Variants in CDC42EP1 observed in about 807,000 individuals in gnomAD.
CDC42EP1 encodes the protein 55 kDa bone marrow stromal/endothelial cell protein.
A neutral mutation model predicts 7.4 loss-of-function variants in CDC42EP1; 6 were observed. The observed-to-expected ratio is 0.81, with a 90% CI of 0.44 to 1.60. The LOEUF is 1.60. Ranked by LOEUF, CDC42EP1 falls within the 40% of genes most tolerant of loss-of-function variation. CDC42EP1 has a pLI of 0.01. For missense variants in CDC42EP1, 567 were observed against 539.0 expected (o/e 1.05, Z -0.51); for synonymous variants, 238 against 227.1 (o/e 1.05, Z -0.43).
At position 37,560,516 on chromosome 22, in the gene CDC42EP1, G is replaced by C. The variant is rs1048162230; in HGVS notation, c.-351G>C. ...CAGCGACTCTCCCGGGCTGCCAGCCGGGACGCGCGGCCGCCGCCGCTGCAG... is the reference window on the plus strand; with the variant it reads ...CAGCGACTCTCCCGGGCTGCCAGCCCGGACGCGCGGCCGCCGCCGCTGCAG... On this transcript the variant is annotated 5_prime_UTR_variant, in exon 1 of 3. Transcript: ENST00000249014. 1 of 149,658 alleles carries C rather than the reference G, an allele frequency of 6.7e-6. No individual in the cohort carries two copies. Among genetic ancestry groups the C allele is most frequent in the Non-Finnish European group, 1.5e-5 (1 of 67,060 alleles). The allele number at this position is 149,658 out of a possible 1,614,324, so 9.3% of individuals were successfully genotyped here.
At position 37,566,084 on chromosome 22, in the gene CDC42EP1, G is replaced by A. The variant is rs1358336701; in HGVS notation, c.-266G>A. The A allele has an allele frequency of 1.3e-5, 5 of 372,374 alleles. No individual in the cohort carries two copies. In the Admixed American group the frequency reaches 1.8e-4, roughly 14 times the overall value. 23.1% of individuals were successfully genotyped at this position (372,374 alleles called of 1,614,324 possible). A position where few individuals can be genotyped will look rare whatever the true frequency, so the allele number is the denominator to read the frequency against. On this transcript the variant is annotated 5_prime_UTR_variant, in exon 2 of 3. Coordinates refer to ENST00000249014, the MANE Select transcript of CDC42EP1 (RefSeq NM_152243.3). The surrounding 1 kb of genome is among the most constrained non-coding windows in gnomAD (Gnocchi z 6.4). ...GTCTTCCTTCCAGGTCTCCACCTCT[G>A]GGCAGGAGAGTTGCCGACCACCTCG...
intron 1 of CDC42EP1, among the ~76,000 whole-genome samples, chr22:37,562,638 C>A (rs1925085890): frequency 6.6e-6 from 1 of 152,126 alleles, no homozygotes; most frequent in Non-Finnish European, 1.5e-5. Context: ...CAGAGTCTCT[C>A]GACCGCAGTA....
intron 2 of CDC42EP1, among the ~76,000 whole-genome samples, chr22:37,567,703 A>G (rs1007304395): frequency 6.6e-6 from 1 of 152,148 alleles, no homozygotes; most frequent in Non-Finnish European, 1.5e-5. Context: ...CTCACGTGCT[A>G]TGGGTTCACC....
At chr22:37,568,017 C>A (rs1925306564) in intron 2 of CDC42EP1, 91 bp from the exon 3 acceptor site, 1 of 1,108,734 alleles carries the variant, frequency 9.0e-7, no homozygotes, top group Non-Finnish European at 1.3e-6. Flanking sequence ...TAGCCAGAGG[C>A]CACACAGCAA....
At chr22:37,563,840 C>G (rs1379219304) in intron 1 of CDC42EP1, 1 of 152,254 alleles carries the variant, frequency 6.6e-6, no homozygotes, top group Non-Finnish European at 1.5e-5. Context: ...TGCCCTCCCA[C>G]TCTCAGAAGG....
At position 37,566,729 on chromosome 22, in the gene CDC42EP1, A is replaced by G; in HGVS notation, c.380A>G (p.Gln127Arg). 2 of 1,612,126 alleles carry G rather than the reference A, an allele frequency of 1.2e-6. No homozygotes were observed. Among genetic ancestry groups the G allele is most frequent in the Middle Eastern group, 1.7e-4 (1 of 6,048 alleles). Residue 127 changes from glutamine (Q) to arginine (R), a missense_variant, in exon 2 of 3, where the codon CAG becomes CGG. Physicochemically the swap from Gln to Arg is conservative, Grantham distance 43. Transcript: ENST00000249014. The surrounding 1 kb of genome is among the most constrained non-coding windows in gnomAD (Gnocchi z 6.4). The part of the protein sequence containing the change: ...KNAISLPQLN[Q>R]AAYDSLVVGK... ...GCCATCTCCCTGCCCCAGCTCAACC[A>G]GGCCGCCTACGACAGCCTCGTGGTT...
chr22:37,568,362 G>A lies in CDC42EP1; in HGVS notation c.718G>A (p.Gly240Ser), dbSNP rs770089711. Residue 240 changes from glycine to serine, a missense_variant, in exon 3 of 3, where the codon GGT (glycine) becomes AGT (serine). Gly to Ser is a moderately conservative substitution (Grantham distance 56). Coordinates refer to ENST00000249014, the MANE Select transcript of CDC42EP1 (RefSeq NM_152243.3). ...NPPAPTANPT[G>S]PAANPPATTA... is the part of the protein sequence containing the mutation. Reference sequence around the variant, plus strand: ...CCCAGCCCCTACTGCAAACCCCACGGGTCCTGCTGCAAACCCCCCAGCCAC... The same window carrying A: ...CCCAGCCCCTACTGCAAACCCCACGAGTCCTGCTGCAAACCCCCCAGCCAC... The A allele has an allele frequency of 1.4e-5, 21 of 1,543,506 alleles. No homozygotes were observed. The highest frequency in any genetic ancestry group is 1.8e-5 in the Non-Finnish European group (20 of 1,135,346).
rs1601837457 is a variant in CDC42EP1 at position 37,566,063 on chromosome 22, T to A, written c.-278-9T>A. 5.9e-6 allele frequency: 2 copies of A among 337,656 alleles called. No homozygotes were observed. Among genetic ancestry groups the A allele is most frequent in the East Asian group, 9.1e-5 (2 of 21,910 alleles). 20.9% of individuals were successfully genotyped at this position (337,656 alleles called of 1,614,324 possible). Reference sequence around the variant, plus strand: ...CCTGCCGTCACCGCCCATTCTGTCTTCCTTCCAGGTCTCCACCTCTGGGCA... The same window carrying A: ...CCTGCCGTCACCGCCCATTCTGTCTACCTTCCAGGTCTCCACCTCTGGGCA... On this transcript the variant is annotated splice_polypyrimidine_tract_variant and intron_variant, in intron 1 of 2. Coordinates refer to ENST00000249014, the MANE Select transcript of CDC42EP1 (RefSeq NM_152243.3). This position sits in a 1 kb window ranked among gnomAD's most constrained non-coding sequence, Gnocchi z 6.4.
In CDC42EP1 at chr22:37,566,418, G is replaced by C; in HGVS notation, c.69G>C (p.Trp23Cys). The change falls in exon 2 of 3, where the codon TGG (tryptophan) becomes TGC (cysteine). Residue 23 changes from tryptophan (W) to cysteine (C), a missense_variant. Transcript: ENST00000249014. The surrounding 1 kb of genome is among the most constrained non-coding windows in gnomAD (Gnocchi z 6.4). Reference sequence around the variant, plus strand: ...TGGGCAAGCTCTCGCCTGTGGGCTGGGTGTCCAGTTCACAGGGAAAGAGGC... The same window carrying C: ...TGGGCAAGCTCTCGCCTGTGGGCTGCGTGTCCAGTTCACAGGGAAAGAGGC... The part of the protein sequence containing the change: ...MSLGKLSPVG[W>C]VSSSQGKRRL... The C allele has an allele frequency of 6.2e-7, 1 of 1,605,986 alleles. No individual in the cohort carries two copies.
Position 37,566,912 on chromosome 22 carries a change from C to T in CDC42EP1, c.463+100C>T. On this transcript the variant is annotated intron_variant, in intron 2 of 2. Transcript: ENST00000249014. This position sits in a 1 kb window ranked among gnomAD's most constrained non-coding sequence, Gnocchi z 6.4. The stretch of plus-strand genomic sequence containing the variant: ...AAGCTCCAAGTGAGCTCCAAGTGAC[C>T]ACAGAGGTCAGGCCCAGACCCCACA... 2.3e-6 allele frequency: 2 copies of T among 877,508 alleles called. No homozygotes were observed. Among genetic ancestry groups the T allele is most frequent in the South Asian group, 3.6e-5 (2 of 55,572 alleles). 54.4% of individuals were successfully genotyped at this position (877,508 alleles called of 1,614,324 possible). A position where few individuals can be genotyped will look rare whatever the true frequency, so the allele number is the denominator to read the frequency against.
rs372439509 is a variant in CDC42EP1 at position 37,568,250 on chromosome 22, T to C, written c.606T>C (p.Leu202=). The part of the protein sequence containing the change: ...SLLSFRLDLD[L]GPSLLSELLG... ...TGTCCTTCCGCCTGGACCTCGACCT[T>C]GGGCCCTCACTCCTCAGCGAGCTGC... The change falls in exon 3 of 3, where the codon CTT becomes CTC. Residue 202 remains leucine (L), a synonymous_variant. Coordinates refer to ENST00000249014, the MANE Select transcript of CDC42EP1 (RefSeq NM_152243.3). The C allele has an allele frequency of 1.9e-6, 3 of 1,613,560 alleles. No homozygotes were observed. Among genetic ancestry groups the C allele is most frequent in the South Asian group, 2.2e-5 (2 of 91,082 alleles).
At position 37,566,526 on chromosome 22, in the gene CDC42EP1, G is replaced by A. The variant is rs1266500568; in HGVS notation, c.177G>A (p.Gly59=). 6.2e-7 allele frequency: 1 copy of A among 1,611,552 alleles called. No homozygotes were observed. The highest frequency in any genetic ancestry group is 8.5e-7 in the Non-Finnish European group (1 of 1,178,358). ...TGGGCCGTGGCGGGGATGTCTTCGG[G>A]GACACGTCCTTCCTCAGCAACCACG... ...MHVGRGGDVF[G]DTSFLSNHGG... Residue 59 remains glycine, a synonymous_variant, in exon 2 of 3, where the codon GGG becomes GGA. Transcript: ENST00000249014. The surrounding 1 kb of genome is among the most constrained non-coding windows in gnomAD (Gnocchi z 6.4).
Position 37,566,903 on chromosome 22 carries a change from C to A in CDC42EP1, c.463+91C>A. 1 of 969,048 alleles carries A rather than the reference C, an allele frequency of 1.0e-6. No individual in the cohort carries two copies. Among genetic ancestry groups the A allele is most frequent in the Non-Finnish European group, 1.5e-6 (1 of 660,324 alleles). The allele number at this position is 969,048 out of a possible 1,614,324, so 60.0% of individuals were successfully genotyped here. A position where few individuals can be genotyped will look rare whatever the true frequency, so the allele number is the denominator to read the frequency against. ...GGCTCCTCCAAGCTCCAAGTGAGCT[C>A]CAAGTGACCACAGAGGTCAGGCCCA... On this transcript the variant is annotated intron_variant, in intron 2 of 2. Transcript: ENST00000249014. This position sits in a 1 kb window ranked among gnomAD's most constrained non-coding sequence, Gnocchi z 6.4.
At chr22:37,564,246 G>A (rs1409719276) in intron 1 of CDC42EP1, among the ~76,000 whole-genome samples, 1 of 152,008 alleles carries the variant, frequency 6.6e-6, no homozygotes, top group Non-Finnish European at 1.5e-5. Context: ...GGATGTGTGT[G>A]TGTGTATGGT....
chr22:37,564,644 A>C (rs1158005012), intron 1 of CDC42EP1: 2 of 152,508 alleles, frequency 1.3e-5, no homozygotes, highest in Non-Finnish European at 2.9e-5. Flanking sequence ...GAGGCAGTGT[A>C]GCCTGGGGCT....
At position 37,566,703 on chromosome 22, in the gene CDC42EP1, C is replaced by G. The variant is rs202138466; in HGVS notation, c.354C>G (p.Asn118Lys). ...CGGCCATCTCCCCCATCATCAAGAA[C>G]GCCATCTCCCTGCCCCAGCTCAACC... ...APPAISPIIK[N>K]AISLPQLNQA... is the part of the protein sequence containing the mutation. Residue 118 changes from asparagine (N) to lysine (K), a missense_variant, in exon 2 of 3, where the codon AAC becomes AAG. Asn to Lys is a moderately conservative substitution (Grantham distance 94). Transcript: ENST00000249014. This position sits in a 1 kb window ranked among gnomAD's most constrained non-coding sequence, Gnocchi z 6.4. 1 of 1,612,246 alleles carries G rather than the reference C, an allele frequency of 6.2e-7. No individual in the cohort carries two copies. The highest frequency in any genetic ancestry group is 1.3e-5 in the African/African-American group (1 of 74,892).
chr22:37,568,150 C>G lies in CDC42EP1; in HGVS notation c.506C>G (p.Ser169Trp), dbSNP rs376281327. Reference sequence around the variant, plus strand: ...TGCACCATCTCCCGCCTGCCCCGCTCGGAAAAGCCGCATGACCGAGACCGG... The same window carrying G: ...TGCACCATCTCCCGCCTGCCCCGCTGGGAAAAGCCGCATGACCGAGACCGG... The part of the protein sequence containing the change: ...GFCTISRLPR[S>W]EKPHDRDRDG... Residue 169 changes from serine (S) to tryptophan (W), a missense_variant, in exon 3 of 3, where the codon TCG becomes TGG. Transcript: ENST00000249014. 1 of 1,613,878 alleles carries G rather than the reference C, an allele frequency of 6.2e-7. No homozygotes were observed. Among genetic ancestry groups the G allele is most frequent in the African/African-American group, 1.3e-5 (1 of 74,912 alleles).
chr22:37,565,181 T>A (rs1925184640), intron 1 of CDC42EP1, among the ~76,000 whole-genome samples: 2 of 140,316 alleles, frequency 1.4e-5, no homozygotes, highest in South Asian at 4.5e-4. Flanking sequence ...TTCTTTTTTT[T>A]TTCCTTTTTT....
chr22:37,566,013 C>G lies in CDC42EP1; in HGVS notation c.-278-59C>G, dbSNP rs973928542. 1 of 249,940 alleles carries G rather than the reference C, an allele frequency of 4.0e-6. No individual in the cohort carries two copies. Among genetic ancestry groups the G allele is most frequent in the Admixed American group, 5.5e-5 (1 of 18,108 alleles). 15.5% of individuals were successfully genotyped at this position (249,940 alleles called of 1,614,324 possible). On this transcript the variant is annotated intron_variant, in intron 1 of 2. Coordinates refer to ENST00000249014, the MANE Select transcript of CDC42EP1 (RefSeq NM_152243.3). The surrounding 1 kb of genome is among the most constrained non-coding windows in gnomAD (Gnocchi z 6.4). ...CCTCTTCAGCTGCTAATGTTTGGAC[C>G]CCGGATTTCCTCCTCTGTCGCGGGC...
Sources: gnomAD v4.1 joint callset for allele counts (sites outside exome capture counted in the v4.1 genomes callset) on GRCh38, gnomAD v4.1.1 for gene constraint, Gnocchi (gnomAD v3.1) non-coding constraint, MANE v1.5 for transcripts, NCBI Gene and HGNC (gene_info 2026-07-23, HGNC 2026-07-21) for gene names.